ZNF721: variants seen among roughly 807,000 people sequenced by gnomAD.
ZNF721 encodes zinc finger protein 721.
ZNF721 carries 2 observed loss-of-function variants against 2.4 expected under a neutral mutation model. The ratio of observed to expected loss-of-function variants is 0.82; its 90% CI spans 0.34 to 2.58. ZNF721 has a LOEUF of 2.58. ZNF721 is among the 30% of genes most tolerant of loss of function. ZNF721 has a pLI of 0.11. For synonymous variants in ZNF721, 398 were observed against 381.8 expected, an observed-to-expected ratio of 1.04 and a Z score of -0.50; for missense variants, 1,187 against 1,085.5, an observed-to-expected ratio of 1.09 and a Z score of -1.31.
At chr4:460,812 TAAAC>T (rs1553865971) in intron 2 of ZNF721, among the ~76,000 whole-genome samples, 1 of 152,044 alleles carries the variant, frequency 6.6e-6, no homozygotes, top group Non-Finnish European at 1.5e-5. Context: ...GAGAATACGA[TAAAC>T]AACTCTACGC....
chr4:493,193 T>C (rs922190770), intron 1 of ZNF721, among the ~76,000 whole-genome samples: 2 of 147,180 alleles, frequency 1.4e-5, no homozygotes, highest in South Asian at 2.1e-4. Flanking sequence ...AAAAAAAATA[T>C]GGCCTAACAG....
intron 2 of ZNF721, among the ~76,000 whole-genome samples, chr4:452,664 AGGT>A (rs571469324): frequency 1.2e-3 from 185 of 152,332 alleles, no homozygotes; most frequent in African/African-American, 4.0e-3. Context: ...GGCAGAAACA[AGGT>A]GGGAAGAGGG....
chr4:470,698 G>C (rs1715404453), intron 2 of ZNF721, among the ~76,000 whole-genome samples: 1 of 151,980 alleles, frequency 6.6e-6, no homozygotes, highest in Non-Finnish European at 1.5e-5. Flanking sequence ...CGGGCAACAA[G>C]AGCAAAACTG....
chr4:472,682 T>C lies in ZNF721; in HGVS notation c.-74A>G, dbSNP rs1553867936. On this transcript the variant is annotated 5_prime_UTR_variant, in exon 2 of 3. An upstream start codon of the reference 5' UTR is lost. Transcript: ENST00000511833. The stretch of plus-strand genomic sequence containing the variant: ...TTCTGGAGAGAATTCTATGGCCACA[T>C]CCCTGAATGTTAAGGGTTCCTGAAA... The C allele has an allele frequency of 6.2e-7, 1 of 1,612,730 alleles. No individual in the cohort carries two copies. The highest frequency in any genetic ancestry group is 1.3e-5 in the African/African-American group (1 of 74,824).
At chr4:490,747 GCA>G (rs1278675747) in intron 1 of ZNF721, among the ~76,000 whole-genome samples, 1 of 152,130 alleles carries the variant, frequency 6.6e-6, no homozygotes, top group Admixed American at 6.5e-5. Context: ...GTGCATGCGT[GCA>G]CAGTTTATAA....
Position 442,417 on chromosome 4 carries a change from G to A in ZNF721, c.2050C>T (p.Leu684=). 6.2e-7 allele frequency: 1 copy of A among 1,613,830 alleles called. No homozygotes were observed. The highest frequency in any genetic ancestry group is 8.5e-7 in the Non-Finnish European group (1 of 1,179,856). ...CGKAFGWSIA[L]NQHKKIHTGE... ...GTATGAATTTTCTTGTGTTGATTCA[G>A]GGCTATGGACCATCCAAAGGCTTTG... Residue 684 remains leucine (L), a synonymous_variant, in exon 3 of 3, where the codon CTG becomes TTG. Coordinates refer to ENST00000511833, the MANE Select transcript of ZNF721 (RefSeq NM_133474.4).
At chr4:475,030 T>C (rs1346652099) in intron 1 of ZNF721, among the ~76,000 whole-genome samples, 2 of 151,872 alleles carry the variant, frequency 1.3e-5, no homozygotes, top group African/African-American at 2.4e-5. Flanking sequence ...CTATTCAAAA[T>C]ACAAAAATTA....
In ZNF721 at chr4:440,813, GCAC is replaced by G. The variant is rs1714209381; in HGVS notation, c.*879_*881del. The stretch of plus-strand genomic sequence containing the variant: ...CCTGAGTAGCTGGGATTACAGCCAT[GCAC>G]CACCATGTCCTGCTAATTTTTGTAT... On this transcript the variant is annotated 3_prime_UTR_variant, in exon 3 of 3. Transcript: ENST00000511833. 1 of 152,220 alleles carries G rather than the reference GCAC, an allele frequency of 6.6e-6. No homozygotes were observed. Among genetic ancestry groups the G allele is most frequent in the Non-Finnish European group, 1.5e-5 (1 of 68,092 alleles). The allele number at this position is 152,220 out of a possible 1,614,324, so 9.4% of individuals were successfully genotyped here.
intron 2 of ZNF721, among the ~76,000 whole-genome samples, chr4:455,218 T>C (rs1714809073): frequency 6.6e-6 from 1 of 152,172 alleles, no homozygotes; most frequent in South Asian, 2.1e-4. Context: ...TTAAAGATAT[T>C]GTGTGTGTGT....
chr4:491,072 TAAAAG>T (rs1299353209), intron 1 of ZNF721, among the ~76,000 whole-genome samples: 3 of 152,170 alleles, frequency 2.0e-5, no homozygotes, highest in African/African-American at 7.2e-5. Context: ...TCTTCTTCCT[TAAAAG>T]AGAAGAAAAA....
chr4:444,300 A>G lies in ZNF721; in HGVS notation c.167T>C (p.Met56Thr). 1 of 1,614,146 alleles carries G rather than the reference A, an allele frequency of 6.2e-7. No individual in the cohort carries two copies. Among genetic ancestry groups the G allele is most frequent in the Non-Finnish European group, 8.5e-7 (1 of 1,180,006 alleles). The part of the protein sequence containing the change: ...NLQLRKGCKS[M>T]NVCKVQKGVY... ...TCCCTTCTGCACTTTACACACGTTC[A>G]TACTTTTACAGCCTTTCCTTAATTG... Residue 56 changes from methionine to threonine, a missense_variant, in exon 3 of 3, where the codon ATG becomes ACG. Met to Thr is a moderately conservative substitution (Grantham distance 81). Coordinates refer to ENST00000511833, the MANE Select transcript of ZNF721 (RefSeq NM_133474.4).
At chr4:481,701 C>A (rs1387738722) in intron 1 of ZNF721, among the ~76,000 whole-genome samples, 3 of 151,950 alleles carry the variant, frequency 2.0e-5, no homozygotes, top group Non-Finnish European at 4.4e-5. Context: ...GAGTTAACAT[C>A]CATTCCATTA....
chr4:484,060 G>C (rs1355175141), intron 1 of ZNF721, among the ~76,000 whole-genome samples: 1 of 152,196 alleles, frequency 6.6e-6, no homozygotes, highest in Admixed American at 6.5e-5. Context: ...GGAGGGACCA[G>C]CTGAAGCCAT....
At chr4:446,830 C>A (rs921219230) in intron 2 of ZNF721, among the ~76,000 whole-genome samples, 1 of 151,812 alleles carries the variant, frequency 6.6e-6, no homozygotes, top group South Asian at 2.1e-4. Flanking sequence ...GTAGCTGGGA[C>A]TACAGGCGCA....
At chr4:486,642 A>T (rs1715906310) in intron 1 of ZNF721, among the ~76,000 whole-genome samples, 1 of 152,240 alleles carries the variant, frequency 6.6e-6, no homozygotes, top group African/African-American at 2.4e-5. Flanking sequence ...TTGATTCAGG[A>T]ACAGTAATTT....
chr4:451,870 C>T (rs1227529531), intron 2 of ZNF721, among the ~76,000 whole-genome samples: 4 of 152,150 alleles, frequency 2.6e-5, no homozygotes, highest in African/African-American at 9.7e-5. Flanking sequence ...TCTCCCTTGG[C>T]CATTGAGTGG....
intron 2 of ZNF721, among the ~76,000 whole-genome samples, chr4:445,693 A>G (rs1553864069): frequency 6.6e-6 from 1 of 152,198 alleles, no homozygotes; most frequent in Non-Finnish European, 1.5e-5. Context: ...GAGGTGAAAA[A>G]TATAAAATAA....
intron 2 of ZNF721, among the ~76,000 whole-genome samples, chr4:464,227 T>C (rs376483692): frequency 2.0e-5 from 3 of 152,256 alleles, no homozygotes; most frequent in Non-Finnish European, 2.9e-5. Context: ...TCCCAGCACT[T>C]TGGGAGGCCA....
intron 2 of ZNF721, among the ~76,000 whole-genome samples, chr4:471,264 A>C (rs1553867647): frequency 1.3e-5 from 2 of 152,240 alleles, no homozygotes; most frequent in African/African-American, 2.4e-5. Flanking sequence ...CTACCAAAGG[A>C]AATTAAATTA....
Sources: gnomAD v4.1 joint callset for allele counts (sites outside exome capture counted in the v4.1 genomes callset) on GRCh38, gnomAD v4.1.1 for gene constraint, MANE v1.5 for transcripts, NCBI Gene and HGNC (gene_info 2026-07-23, HGNC 2026-07-21) for gene names.